ATP8A2: variants seen among roughly 807,000 people sequenced by gnomAD.
The protein encoded by ATP8A2 is ATPase phospholipid transporting 8A2, also known as phospholipid-transporting ATPase IB.
In ATP8A2, 100 loss-of-function variants were observed where a neutral mutation model predicts 165.6. That is an observed-to-expected ratio of 0.60 (90% CI 0.51 to 0.71). ATP8A2 has a LOEUF of 0.71. Ranked by LOEUF, ATP8A2 falls within the 30% of genes least tolerant of loss-of-function variation. The pLI is 0.00. For synonymous variants in ATP8A2, 543 were observed against 548.8 expected, an observed-to-expected ratio of 0.99 and a Z score of 0.15; for missense variants, 1,227 against 1,479.5, an observed-to-expected ratio of 0.83 and a Z score of 2.80.
intron 2 of ATP8A2, among the ~76,000 whole-genome samples, chr13:25,504,070 T>C (rs985131525): frequency 6.6e-6 from 1 of 152,214 alleles, no homozygotes; most frequent in Non-Finnish European, 1.5e-5. Flanking sequence ...CTGGAGAGCA[T>C]GTTGGAAGGA....
intron 33 of ATP8A2, among the ~76,000 whole-genome samples, chr13:25,933,946 C>T (rs1954824895): frequency 6.6e-6 from 1 of 152,210 alleles, no homozygotes; most frequent in Non-Finnish European, 1.5e-5. Context: ...AGCTCTGTCT[C>T]TTGGGGCTGA....
chr13:25,929,651 G>A (rs1954708617), intron 33 of ATP8A2, among the ~76,000 whole-genome samples: 4 of 152,102 alleles, frequency 2.6e-5, no homozygotes, highest in Admixed American at 2.6e-4. Context: ...TTGAGCCCAG[G>A]AGTTTGAGAC....
At chr13:25,520,123 CCTAA>C (rs1260213754) in intron 2 of ATP8A2, among the ~76,000 whole-genome samples, 2 of 152,158 alleles carry the variant, frequency 1.3e-5, no homozygotes, top group Non-Finnish European at 1.5e-5. Context: ...ATTTTCTCTA[CCTAA>C]CTGTGTATTT....
chr13:25,606,030 G>A (rs953679060), intron 24 of ATP8A2, among the ~76,000 whole-genome samples: 5 of 152,062 alleles, frequency 3.3e-5, no homozygotes, highest in African/African-American at 1.2e-4. Context: ...TATTTACTAG[G>A]GAATGAAAAG....
intron 27 of ATP8A2, among the ~76,000 whole-genome samples, chr13:25,785,210 C>A (rs1475612826): frequency 1.3e-5 from 2 of 151,584 alleles, no homozygotes; most frequent in African/African-American, 2.4e-5. Flanking sequence ...ACCAGCCTGG[C>A]CAACATGGTG....
intron 33 of ATP8A2, among the ~76,000 whole-genome samples, chr13:25,943,417 T>C (rs1444379823): frequency 1.3e-5 from 2 of 152,218 alleles, no homozygotes; most frequent in African/African-American, 4.8e-5. Context: ...CTTTTATATG[T>C]TCAGATGCAT....
intron 30 of ATP8A2, among the ~76,000 whole-genome samples, chr13:25,847,637 A>G (rs1951897103): frequency 6.6e-6 from 1 of 152,148 alleles, no homozygotes; most frequent in South Asian, 2.1e-4. Context: ...TAACCCAGTA[A>G]AGAGTTATTT....
At position 25,953,485 on chromosome 13, in the gene ATP8A2, A is replaced by G. The variant is rs574207653; in HGVS notation, c.3184-8090A>G. Among the ~76,000 whole-genome samples, 1 of 151,246 alleles carries G rather than the reference A, an allele frequency of 6.6e-6. No homozygotes were observed. Among genetic ancestry groups the G allele is most frequent in the African/African-American group, 2.4e-5 (1 of 41,124 alleles). On this transcript the variant is annotated intron_variant, in intron 33 of 36. Transcript: ENST00000381655. The surrounding 1 kb of genome is among the most constrained non-coding windows in gnomAD (Gnocchi z 6.7). The stretch of plus-strand genomic sequence containing the variant: ...AATCCACGCCACATTGGGGAACACA[A>G]ACTGACCTTATGTAGCCCTGGTTAC...
At chr13:25,488,168 G>T (rs1366067359) in intron 2 of ATP8A2, among the ~76,000 whole-genome samples, 1 of 151,982 alleles carries the variant, frequency 6.6e-6, no homozygotes, top group Non-Finnish European at 1.5e-5. Flanking sequence ...TCTCTTTATT[G>T]TGGTAAAATA....
intron 24 of ATP8A2, among the ~76,000 whole-genome samples, chr13:25,694,010 G>A (rs894259331): frequency 1.3e-4 from 20 of 152,220 alleles, no homozygotes; most frequent in African/African-American, 4.1e-4. Flanking sequence ...GATTACAGGC[G>A]TGCACCACCA....
chr13:25,639,591 A>G (rs1028540725), intron 24 of ATP8A2, among the ~76,000 whole-genome samples: 2 of 152,252 alleles, frequency 1.3e-5, no homozygotes, highest in Non-Finnish European at 2.9e-5. Flanking sequence ...AGGAGCACCC[A>G]GATTCATAAA....
chr13:25,786,928 T>TA (rs887568306), intron 27 of ATP8A2, among the ~76,000 whole-genome samples: 9 of 152,032 alleles, frequency 5.9e-5, no homozygotes, highest in African/African-American at 2.2e-4. Context: ...GCTAATTTTT[T>TA]AAAAAATTAT....
At chr13:25,536,627 T>A (rs9581381) in intron 6 of ATP8A2, among the ~76,000 whole-genome samples, 7,809 of 152,258 alleles carry the variant, frequency 0.051, 242 homozygotes, top group South Asian at 0.13. Context: ...TGGCAGTTTT[T>A]CACAAGTTTC....
chr13:25,523,247 A>AT (rs1379425335), intron 2 of ATP8A2, among the ~76,000 whole-genome samples: 1 of 147,608 alleles, frequency 6.8e-6, no homozygotes, highest in Non-Finnish European at 1.5e-5. Flanking sequence ...GTGATCTTCA[A>AT]TTTTTTTTCA....
chr13:25,419,073 C>G (rs1387338866), intron 1 of ATP8A2, among the ~76,000 whole-genome samples: 1 of 152,086 alleles, frequency 6.6e-6, no homozygotes, highest in Non-Finnish European at 1.5e-5. Context: ...GTGTGTGTGT[C>G]TGCGTGCATG....
intron 24 of ATP8A2, among the ~76,000 whole-genome samples, chr13:25,647,227 C>A (rs1452760827): frequency 6.6e-6 from 1 of 152,156 alleles, no homozygotes; most frequent in East Asian, 1.9e-4. Flanking sequence ...GTTATTAATT[C>A]ACAGCCTTTT....
At chr13:25,928,402 A>T (rs1954671123) in intron 33 of ATP8A2, among the ~76,000 whole-genome samples, 1 of 152,168 alleles carries the variant, frequency 6.6e-6, no homozygotes, top group African/African-American at 2.4e-5. Context: ...TCTCTCCTTC[A>T]TTTACATTGA....
At chr13:25,707,106 T>G (rs903415774) in intron 25 of ATP8A2, among the ~76,000 whole-genome samples, 5 of 152,192 alleles carry the variant, frequency 3.3e-5, no homozygotes, top group Non-Finnish European at 7.3e-5. Context: ...ATGCAGATTT[T>G]GTAGTATATT....
chr13:25,480,482 C>T (rs1284113897), intron 2 of ATP8A2, among the ~76,000 whole-genome samples: 2 of 111,670 alleles, frequency 1.8e-5, no homozygotes, highest in East Asian at 2.9e-4. Context: ...CAGACGGGGT[C>T]GCGGCCGGGC....
Sources: allele counts gnomAD v4.1 joint callset (sites outside exome capture counted in the v4.1 genomes callset), GRCh38; gene constraint gnomAD v4.1.1; non-coding constraint Gnocchi (gnomAD v3.1); transcripts MANE v1.5; gene names NCBI Gene and HGNC (gene_info 2026-07-23, HGNC 2026-07-21).